JHY: variants seen among roughly 807,000 people sequenced by gnomAD.
JHY encodes the protein junctional cadherin complex regulator.
Under a neutral mutation model 78.0 loss-of-function variants are expected in JHY, and 69 were observed. The observed-to-expected ratio is 0.88, with a 90% CI of 0.73 to 1.08. The LOEUF is 1.08. JHY is among the 50% of genes least tolerant of loss of function. The pLI is 0.00. For synonymous variants in JHY, 368 were observed against 342.6 expected (o/e 1.07, Z -0.82); for missense variants, 944 against 927.8 (o/e 1.02, Z -0.23).
At chr11:122,918,957 G>T (rs989838374) in intron 3 of JHY, among the ~76,000 whole-genome samples, 1 of 152,102 alleles carries the variant, frequency 6.6e-6, no homozygotes, top group Non-Finnish European at 1.5e-5. Flanking sequence ...AAGGCCATGC[G>T]CTCAGATGCA....
intron 3 of JHY, among the ~76,000 whole-genome samples, chr11:122,915,244 C>T (rs1328854300): frequency 6.6e-6 from 1 of 152,148 alleles, no homozygotes; most frequent in Admixed American, 6.5e-5. Context: ...TTCTTTGCCT[C>T]TTTGTTAAAT....
At position 122,922,809 on chromosome 11, in the gene JHY, CAAAAAAAAA is replaced by C. The variant is rs571482464; in HGVS notation, c.865-2069_865-2061del. 5.3e-3 allele frequency among the ~76,000 whole-genome samples: 236 copies of C among 44,372 alleles called. 2 individuals carry two copies. Among genetic ancestry groups the C allele is most frequent in the African/African-American group, 1.0e-2 (221 of 22,202 alleles). The allele number at this position is 44,372 out of a possible 152,430, so 29.1% of individuals were successfully genotyped here. On this transcript the variant is annotated intron_variant, in intron 3 of 8. Coordinates refer to ENST00000227349, the MANE Select transcript of JHY (RefSeq NM_024806.4). ...TGGGCAACAGAGCGAGACTCCGTCT[CAAAAAAAAA>C]AAAAAAAAAAAAAAAAAACCAGCAG...
At chr11:122,900,953 A>C (rs1383647958) in intron 2 of JHY, among the ~76,000 whole-genome samples, 5 of 152,212 alleles carry the variant, frequency 3.3e-5, no homozygotes, top group Non-Finnish European at 7.3e-5. Flanking sequence ...CTAGGCAACA[A>C]TTCACAGTTC....
At chr11:122,915,044 A>G (rs762755326) in intron 3 of JHY, among the ~76,000 whole-genome samples, 1 of 152,158 alleles carries the variant, frequency 6.6e-6, no homozygotes, top group Non-Finnish European at 1.5e-5. Flanking sequence ...AGAGGGATCC[A>G]TAAGAAAAAA....
intron 2 of JHY, among the ~76,000 whole-genome samples, chr11:122,890,670 A>G (rs908877796): frequency 1.8e-4 from 28 of 152,210 alleles, no homozygotes; most frequent in South Asian, 4.1e-4. Context: ...GACAGTTTAA[A>G]TACAATCTAA....
At position 122,957,481 on chromosome 11, in the gene JHY, C is replaced by T; in HGVS notation, c.2129C>T (p.Pro710Leu). 6.5e-7 allele frequency: 1 copy of T among 1,532,252 alleles called. No individual in the cohort carries two copies. Among genetic ancestry groups the T allele is most frequent in the Non-Finnish European group, 8.7e-7 (1 of 1,151,684 alleles). The allele number at this position is 1,532,252 out of a possible 1,614,324, so 94.9% of individuals were successfully genotyped here. ...AAAACTCAAAAGAAATCTGCTATCC[C>T]TCGGCAGAAGGTAAGAAATTCTCAA... ...TEKTQKKSAI[P>L]RQKALEYAKT... is the part of the protein sequence containing the mutation. Residue 710 changes from proline to leucine, a missense_variant, in exon 8 of 9, where the codon CCT (proline) becomes CTT (leucine). By Grantham distance (98) the Pro-to-Leu change is moderately conservative. Transcript: ENST00000227349.
chr11:122,904,572 ACGCTTC>A (rs1862946266), intron 3 of JHY, 128 bp downstream of exon 3: 1 of 1,034,962 alleles, frequency 9.7e-7, no homozygotes, highest in African/African-American at 1.6e-5. Flanking sequence ...GGTAAAACAA[ACGCTTC>A]CATAGGCTAT....
intron 3 of JHY, among the ~76,000 whole-genome samples, chr11:122,910,097 A>C (rs1863081192): frequency 6.6e-6 from 1 of 152,144 alleles, no homozygotes; most frequent in Non-Finnish European, 1.5e-5. Flanking sequence ...TGTTAAAAAA[A>C]AAATAAGGAC....
chr11:122,909,966 T>C lies in JHY; in HGVS notation c.864+5522T>C, dbSNP rs548694441. 7.1e-4 allele frequency among the ~76,000 whole-genome samples: 108 copies of C among 152,270 alleles called. 2 individuals are homozygous for C. The South Asian group carries it at 0.022, about 31-fold the overall frequency. ...TCGTGTGCAGTTTTGAAATCACATCTGTACAAAATTGTTCATTTCAGCCTT... is the reference window on the plus strand; with the variant it reads ...TCGTGTGCAGTTTTGAAATCACATCCGTACAAAATTGTTCATTTCAGCCTT... On this transcript the variant is annotated intron_variant, in intron 3 of 8. Transcript: ENST00000227349.
chr11:122,951,496 C>G (rs761864184), intron 6 of JHY, among the ~76,000 whole-genome samples: 1 of 152,190 alleles, frequency 6.6e-6, no homozygotes, highest in Non-Finnish European at 1.5e-5. Context: ...CCTTCACTTG[C>G]TGTTCCACAG....
chr11:122,935,153 G>A lies in JHY; in HGVS notation c.1634+78G>A. 11 of 1,318,026 alleles carry A rather than the reference G, an allele frequency of 8.3e-6. No homozygotes were observed. Among genetic ancestry groups the A allele is most frequent in the African/African-American group, 1.5e-5 (1 of 67,220 alleles). The allele number at this position is 1,318,026 out of a possible 1,614,324, so 81.6% of individuals were successfully genotyped here. A position where few individuals can be genotyped will look rare whatever the true frequency, so the allele number is the denominator to read the frequency against. On this transcript the variant is annotated intron_variant, in intron 5 of 8. Transcript: ENST00000227349. The surrounding 1 kb of genome is among the most constrained non-coding windows in gnomAD (Gnocchi z 4.5). ...TGCAGAAAGACGGGAGAGGAAGAAGGGGAAGGGGAATCCATAAGGTGGCTA... is the reference window on the plus strand; with the variant it reads ...TGCAGAAAGACGGGAGAGGAAGAAGAGGAAGGGGAATCCATAAGGTGGCTA...
At chr11:122,915,415 G>T (rs893849390) in intron 3 of JHY, among the ~76,000 whole-genome samples, 42 of 152,310 alleles carry the variant, frequency 2.8e-4, no homozygotes, top group South Asian at 8.3e-4. Flanking sequence ...CGGAAGAAAA[G>T]GTGCCTGACT....
intron 2 of JHY, among the ~76,000 whole-genome samples, chr11:122,890,895 A>T (rs7946894): frequency 0.42 from 63,339 of 152,006 alleles, 15,815 homozygotes; most frequent in Middle Eastern, 0.59. Context: ...AATTAGGATA[A>T]CCAGTTCTCC....
At position 122,959,636 on chromosome 11, in the gene JHY, A is replaced by G. The variant is rs1864269831; in HGVS notation, c.*191A>G. ...TGGTGCCATATTTTACTTTCTAGGA[A>G]GAAAATTTTTTAAATTATTTATTTT... On this transcript the variant is annotated 3_prime_UTR_variant, in exon 9 of 9. Coordinates refer to ENST00000227349, the MANE Select transcript of JHY (RefSeq NM_024806.4). 3.5e-6 allele frequency: 2 copies of G among 563,772 alleles called. No individual in the cohort carries two copies. Among genetic ancestry groups the G allele is most frequent in the Admixed American group, 3.5e-5 (1 of 28,854 alleles). The allele number at this position is 563,772 out of a possible 1,614,324, so 34.9% of individuals were successfully genotyped here. A position where few individuals can be genotyped will look rare whatever the true frequency, so the allele number is the denominator to read the frequency against.
intron 5 of JHY, among the ~76,000 whole-genome samples, chr11:122,936,686 C>A (rs1863763639): frequency 6.6e-6 from 1 of 152,024 alleles, no homozygotes; most frequent in Non-Finnish European, 1.5e-5. Flanking sequence ...TTTCTGATAA[C>A]CCTTTTATTC....
At chr11:122,925,781 G>A (rs925881202) in intron 4 of JHY, among the ~76,000 whole-genome samples, 1 of 152,096 alleles carries the variant, frequency 6.6e-6, no homozygotes, top group East Asian at 1.9e-4. Context: ...ATTTTGGGAG[G>A]CCGAGGTGGG....
intron 3 of JHY, among the ~76,000 whole-genome samples, chr11:122,924,132 G>C (rs1390053047): frequency 6.6e-6 from 1 of 151,880 alleles, no homozygotes; most frequent in Non-Finnish European, 1.5e-5. Context: ...TTTTGAGGTG[G>C]GATCAGGGCA....
At chr11:122,886,352 T>C (rs1862496979) in intron 2 of JHY, among the ~76,000 whole-genome samples, 159 bp downstream of exon 2, 1 of 152,194 alleles carries the variant, frequency 6.6e-6, no homozygotes, top group Non-Finnish European at 1.5e-5. Flanking sequence ...CACCATGTTT[T>C]TTCCATATTC....
chr11:122,908,174 C>G (rs1863035263), intron 3 of JHY, among the ~76,000 whole-genome samples: 1 of 152,160 alleles, frequency 6.6e-6, no homozygotes, highest in Admixed American at 6.5e-5. Flanking sequence ...AATCACCGAT[C>G]TAGAGCAGTG....
Sources: allele counts gnomAD v4.1 joint callset (sites outside exome capture counted in the v4.1 genomes callset), GRCh38; gene constraint gnomAD v4.1.1; non-coding constraint Gnocchi (gnomAD v3.1); transcripts MANE v1.5; gene names NCBI Gene and HGNC (gene_info 2026-07-23, HGNC 2026-07-21).